The following ARHGAP42 variants were observed in gnomAD, a reference collection of about 807,000 sequenced individuals.
ARHGAP42 encodes the protein rho GTPase-activating protein 42.
A neutral mutation model predicts 125.0 loss-of-function variants in ARHGAP42; 63 were observed. The observed-to-expected ratio is 0.50, with a 90% CI of 0.41 to 0.62. The LOEUF (loss-of-function observed/expected upper bound fraction) is 0.62. Among genes scored for constraint, ARHGAP42 ranks in the 20% least tolerant of loss-of-function variants. ARHGAP42 has a pLI of 0.00. For missense variants in ARHGAP42, 766 were observed against 1,024.2 expected, an observed-to-expected ratio of 0.75 and a Z score of 3.44; for synonymous variants, 339 against 351.0, an observed-to-expected ratio of 0.97 and a Z score of 0.38.
At chr11:100,956,776 AG>A (rs1484108229) in intron 12 of ARHGAP42, among the ~76,000 whole-genome samples, 2 of 152,132 alleles carry the variant, frequency 1.3e-5, no homozygotes, top group Non-Finnish European at 2.9e-5. Flanking sequence ...CTAGGTTCAC[AG>A]GGCCTGCCTG....
At chr11:100,716,906 C>A (rs1861670710) in intron 1 of ARHGAP42, among the ~76,000 whole-genome samples, 1 of 151,986 alleles carries the variant, frequency 6.6e-6, no homozygotes, top group African/African-American at 2.4e-5. Flanking sequence ...ATTCAGAGCC[C>A]CTTGACTGAA....
intron 3 of ARHGAP42, among the ~76,000 whole-genome samples, chr11:100,824,687 A>T (rs1290589680): frequency 6.6e-6 from 1 of 152,222 alleles, no homozygotes; most frequent in Non-Finnish European, 1.5e-5. Context: ...CATAGATGAC[A>T]GATTTAATCT....
At chr11:100,906,440 T>C (rs1866739537) in intron 4 of ARHGAP42, among the ~76,000 whole-genome samples, 1 of 152,232 alleles carries the variant, frequency 6.6e-6, no homozygotes, top group African/African-American at 2.4e-5. Context: ...ATGATTTTTA[T>C]GTAAGCTCCA....
At chr11:100,858,086 GGTGTGTGTGTGT>G (rs201861404) in intron 3 of ARHGAP42, among the ~76,000 whole-genome samples, 6 of 108,920 alleles carry the variant, frequency 5.5e-5, no homozygotes, top group African/African-American at 1.8e-4. Flanking sequence ...TCTGGATAGG[GGTGTGTGTGTGT>G]GTGTGTGTGT....
intron 3 of ARHGAP42, among the ~76,000 whole-genome samples, chr11:100,850,765 G>C (rs1865184514): frequency 6.6e-6 from 1 of 151,452 alleles, no homozygotes; most frequent in South Asian, 2.1e-4. Flanking sequence ...TTTTACACAT[G>C]TAAGGCTTTC....
intron 4 of ARHGAP42, among the ~76,000 whole-genome samples, chr11:100,894,345 A>AT (rs1764834041): frequency 1.3e-5 from 2 of 152,046 alleles, no homozygotes; most frequent in Admixed American, 1.3e-4. Context: ...TACAGACTGC[A>AT]TTTTTCTGCA....
intron 3 of ARHGAP42, among the ~76,000 whole-genome samples, chr11:100,822,076 A>C (rs1011069801): frequency 1.3e-5 from 2 of 152,304 alleles, no homozygotes; most frequent in Admixed American, 1.3e-4. Flanking sequence ...GAATCCTTCC[A>C]TAAGACCTAG....
chr11:100,963,883 A>G (rs1858021029), intron 16 of ARHGAP42, among the ~76,000 whole-genome samples: 1 of 152,174 alleles, frequency 6.6e-6, no homozygotes, highest in Non-Finnish European at 1.5e-5. Flanking sequence ...TTTGCTTTAT[A>G]ACAAAAGAAA....
chr11:100,775,333 A>T (rs1373130081), intron 2 of ARHGAP42, among the ~76,000 whole-genome samples: 2 of 152,230 alleles, frequency 1.3e-5, no homozygotes, highest in African/African-American at 4.8e-5. Flanking sequence ...ATAAACCGGT[A>T]TAAGATAGAT....
intron 10 of ARHGAP42, among the ~76,000 whole-genome samples, chr11:100,946,372 A>G (rs950712917): frequency 1.4e-4 from 22 of 152,032 alleles, no homozygotes; most frequent in Admixed American, 1.4e-3. Flanking sequence ...TTCCTTTAAT[A>G]ATTTTTCCTT....
intron 3 of ARHGAP42, among the ~76,000 whole-genome samples, chr11:100,811,459 G>GAGT (rs1395620504): frequency 2.0e-5 from 3 of 151,954 alleles, no homozygotes; most frequent in African/African-American, 7.3e-5. Flanking sequence ...GGAATTCATG[G>GAGT]AGTAGGTGAT....
intron 1 of ARHGAP42, among the ~76,000 whole-genome samples, chr11:100,695,408 A>G (rs530611667): frequency 3.3e-5 from 5 of 152,098 alleles, no homozygotes; most frequent in Non-Finnish European, 7.4e-5. Flanking sequence ...GATTCAAGCT[A>G]TTCTCCTGCC....
At chr11:100,976,565 T>C in intron 20 of ARHGAP42, 128 bp downstream of exon 20, 1 of 1,346,894 alleles carries the variant, frequency 7.4e-7, no homozygotes, top group Non-Finnish European at 9.8e-7. Context: ...ACTTTTTTCC[T>C]GTGCTTGGAT....
chr11:100,694,629 G>A (rs765118698), intron 1 of ARHGAP42, among the ~76,000 whole-genome samples: 1 of 152,268 alleles, frequency 6.6e-6, no homozygotes, highest in Middle Eastern at 3.4e-3. Context: ...CCTCTAGCCT[G>A]CTGAACCTCT....
chr11:100,728,972 T>G (rs1861911017), intron 1 of ARHGAP42, among the ~76,000 whole-genome samples: 1 of 151,904 alleles, frequency 6.6e-6, no homozygotes, highest in South Asian at 2.1e-4. Context: ...TTTTGCCATG[T>G]TGGCCAGGCT....
chr11:100,916,271 T>C (rs10488785), intron 5 of ARHGAP42, among the ~76,000 whole-genome samples: 32,120 of 152,170 alleles, frequency 0.21, 4,133 homozygotes, highest in East Asian at 0.46. Flanking sequence ...ATAAAGGAAA[T>C]GTAGAAAGAC....
At chr11:100,866,018 A>G (rs148568390) in intron 4 of ARHGAP42, among the ~76,000 whole-genome samples, 1 of 152,224 alleles carries the variant, frequency 6.6e-6, no homozygotes, top group African/African-American at 2.4e-5. Flanking sequence ...ATAAGAAAAC[A>G]TCTTTTAAAA....
In ARHGAP42 at chr11:100,884,930, C is replaced by G. The variant is rs920629859; in HGVS notation, c.384+25305C>G. Among the ~76,000 whole-genome samples the G allele has an allele frequency of 2.0e-5, 3 of 152,140 alleles. No homozygotes were observed. The South Asian group carries it at 6.2e-4, about 32-fold the overall frequency. ...TGCAGATTTAAATCCAGCCCATTCT[C>G]CCTGCCTGCTCCCTCCTGACCGTAT... On this transcript the variant is annotated intron_variant, in intron 4 of 23. Transcript: ENST00000298815.
At chr11:100,914,523 A>G (rs1015337780) in intron 5 of ARHGAP42, among the ~76,000 whole-genome samples, 1 of 152,042 alleles carries the variant, frequency 6.6e-6, no homozygotes, top group Non-Finnish European at 1.5e-5. Flanking sequence ...AACAACAACA[A>G]CAACAACAAC....
Sources: gnomAD v4.1 joint callset for allele counts (sites outside exome capture counted in the v4.1 genomes callset) on GRCh38, gnomAD v4.1.1 for gene constraint, MANE v1.5 for transcripts, NCBI Gene and HGNC (gene_info 2026-07-23, HGNC 2026-07-21) for gene names.